PRLR: variants seen among roughly 807,000 people sequenced by gnomAD.
The protein encoded by PRLR is prolactin receptor, also known as hPRL receptor.
A neutral mutation model predicts 40.2 loss-of-function variants in PRLR; 13 were observed. The observed-to-expected ratio is 0.32, with a 90% CI of 0.21 to 0.51. The LOEUF (loss-of-function observed/expected upper bound fraction) is 0.51. Ranked by LOEUF, PRLR falls within the 20% of genes least tolerant of loss-of-function variation. The probability of loss-of-function intolerance (pLI) is 0.97; values close to 1 mark genes in which losing one functional copy is unlikely to be tolerated. For synonymous variants in PRLR, 269 were observed against 278.7 expected (o/e 0.97, Z 0.35); for missense variants, 656 against 747.3 (o/e 0.88, Z 1.42).
At chr5:35,117,697 C>A (rs1421289774) in intron 2 of PRLR, among the ~76,000 whole-genome samples, 1 of 152,124 alleles carries the variant, frequency 6.6e-6, no homozygotes, top group East Asian at 1.9e-4. Context: ...TAAAAGCAAG[C>A]ACAATATTTC....
intron 2 of PRLR, among the ~76,000 whole-genome samples, chr5:35,094,192 C>T (rs6881382): frequency 0.025 from 3,780 of 152,302 alleles, 168 homozygotes; most frequent in African/African-American, 0.088. Context: ...CCTACTCCTT[C>T]CTGATAGAAA....
At position 35,063,955 on chromosome 5, in the gene PRLR, T is replaced by C. The variant is rs1769195018; in HGVS notation, c.*1134A>G. On this transcript the variant is annotated 3_prime_UTR_variant, in exon 10 of 10. Coordinates refer to ENST00000618457, the MANE Select transcript of PRLR (RefSeq NM_000949.7). ...AAAGAATCAGATAAACTATACTATA[T>C]TGCGTTGAAAACTGAATTTTGTCAT... 1 of 152,166 alleles carries C rather than the reference T, an allele frequency of 6.6e-6. No individual in the cohort carries two copies. The highest frequency in any genetic ancestry group is 6.5e-5 in the Admixed American group (1 of 15,280). 9.4% of individuals were successfully genotyped at this position (152,166 alleles called of 1,614,324 possible).
intron 1 of PRLR, among the ~76,000 whole-genome samples, chr5:35,211,435 G>A (rs1776165036): frequency 6.6e-6 from 1 of 152,138 alleles, no homozygotes; most frequent in Non-Finnish European, 1.5e-5. Flanking sequence ...TGAGGAAGTG[G>A]GGGTTGTTTA....
chr5:35,175,215 C>A (rs147373534), intron 1 of PRLR, among the ~76,000 whole-genome samples: 1 of 152,034 alleles, frequency 6.6e-6, no homozygotes, highest in African/African-American at 2.4e-5. Flanking sequence ...ATAATGGGGG[C>A]GGGTATTTCC....
Position 35,153,716 on chromosome 5 carries a change from G to A in PRLR, c.-105-35594C>T, listed in dbSNP as rs1381988854. ...GCTCTGCCAACTGTTCCCCACCATTGTACACACACACACACACACACACTG... is the reference window on the plus strand; with the variant it reads ...GCTCTGCCAACTGTTCCCCACCATTATACACACACACACACACACACACTG... On this transcript the variant is annotated intron_variant, in intron 1 of 9. Transcript: ENST00000618457. Among the ~76,000 whole-genome samples, 5 of 112,590 alleles carry A rather than the reference G, an allele frequency of 4.4e-5. No individual in the cohort carries two copies. In the South Asian group the frequency reaches 1.4e-3, roughly 33 times the overall value. The allele number at this position is 112,590 out of a possible 152,430, so 73.9% of individuals were successfully genotyped here.
At chr5:35,077,728 C>T (rs151217318) in intron 5 of PRLR, among the ~76,000 whole-genome samples, 6 of 152,318 alleles carry the variant, frequency 3.9e-5, no homozygotes, top group Non-Finnish European at 8.8e-5. Context: ...CAGAACTCTC[C>T]ACCCTAAATC....
At chr5:35,161,071 ACTT>A (rs1774661427) in intron 1 of PRLR, among the ~76,000 whole-genome samples, 5 of 152,192 alleles carry the variant, frequency 3.3e-5, no homozygotes, top group Admixed American at 3.3e-4. Flanking sequence ...AAGCAAAACT[ACTT>A]CTATCTAGTC....
At chr5:35,099,159 C>T (rs1200689534) in intron 2 of PRLR, among the ~76,000 whole-genome samples, 1 of 152,170 alleles carries the variant, frequency 6.6e-6, no homozygotes, top group Non-Finnish European at 1.5e-5. Flanking sequence ...TACTTCATTG[C>T]TTCCCCTGTC....
At chr5:35,144,908 T>C (rs1253342924) in intron 1 of PRLR, among the ~76,000 whole-genome samples, 1 of 152,188 alleles carries the variant, frequency 6.6e-6, no homozygotes, top group Non-Finnish European at 1.5e-5. Context: ...TTGCAGCATT[T>C]AGAAAAGACA....
intron 1 of PRLR, among the ~76,000 whole-genome samples, chr5:35,179,892 A>T (rs191331958): frequency 1.3e-5 from 2 of 152,276 alleles, no homozygotes; most frequent in Admixed American, 1.3e-4. Flanking sequence ...TTTTGGGATG[A>T]TTCAAGCACA....
At chr5:35,182,511 G>A (rs1775320529) in intron 1 of PRLR, among the ~76,000 whole-genome samples, 1 of 152,146 alleles carries the variant, frequency 6.6e-6, no homozygotes, top group African/African-American at 2.4e-5. Context: ...GTATTTACTG[G>A]GAGCATGAAA....
chr5:35,161,574 A>C (rs1361767653), intron 1 of PRLR, among the ~76,000 whole-genome samples: 1 of 152,250 alleles, frequency 6.6e-6, no homozygotes, highest in Admixed American at 6.5e-5. Flanking sequence ...TTCAAAAATC[A>C]AAGGACCCAG....
rs1404984903 is a variant in PRLR at position 35,064,825 on chromosome 5, C to T, written c.*264G>A. 2.3e-6 allele frequency: 1 copy of T among 441,732 alleles called. No individual in the cohort carries two copies. Among genetic ancestry groups the T allele is most frequent in the Non-Finnish European group, 4.0e-6 (1 of 248,604 alleles). 27.4% of individuals were successfully genotyped at this position (441,732 alleles called of 1,614,324 possible). On this transcript the variant is annotated 3_prime_UTR_variant, in exon 10 of 10. Transcript: ENST00000618457. ...CTATTGGCATTGTCCCTCAAGAATA[C>T]TAAGCAGTGTGCTTTTATTTCATTG... is the stretch of plus-strand genomic sequence containing the variant.
chr5:35,221,804 T>C (rs1776428216), intron 1 of PRLR, among the ~76,000 whole-genome samples: 1 of 152,188 alleles, frequency 6.6e-6, no homozygotes, highest in Non-Finnish European at 1.5e-5. Context: ...TTGTTTTAAA[T>C]CAGTAATGGA....
Position 35,129,286 on chromosome 5 carries a change from G to A in PRLR, c.-105-11164C>T, listed in dbSNP as rs536722518. Among the ~76,000 whole-genome samples the A allele has an allele frequency of 5.3e-5, 8 of 152,256 alleles. No individual in the cohort carries two copies. In the South Asian group the frequency reaches 8.3e-4, roughly 16 times the overall value. ...AAAAAGTTCTCTTAGTGTTATTGAC[G>A]TGCTCAATTTACTGTACAAGCAACT... On this transcript the variant is annotated intron_variant, in intron 1 of 9. Coordinates refer to ENST00000618457, the MANE Select transcript of PRLR (RefSeq NM_000949.7).
At position 35,055,833 on chromosome 5, in the gene PRLR, A is replaced by G. The variant is rs1768681602; in HGVS notation, c.*9256T>C. The G allele has an allele frequency of 6.6e-6, 1 of 152,228 alleles. No homozygotes were observed. Among genetic ancestry groups the G allele is most frequent in the Admixed American group, 6.5e-5 (1 of 15,276 alleles). The allele number at this position is 152,228 out of a possible 1,614,324, so 9.4% of individuals were successfully genotyped here. A position where few individuals can be genotyped will look rare whatever the true frequency, so the allele number is the denominator to read the frequency against. ...TTCAGCAACAATATCAATATTGATT[A>G]TATAAAGTAAAACTACTGGCAAACG... On this transcript the variant is annotated 3_prime_UTR_variant, in exon 10 of 10. Coordinates refer to ENST00000618457, the MANE Select transcript of PRLR (RefSeq NM_000949.7).
At chr5:35,142,388 A>G (rs1774050779) in intron 1 of PRLR, among the ~76,000 whole-genome samples, 1 of 152,140 alleles carries the variant, frequency 6.6e-6, no homozygotes, top group Non-Finnish European at 1.5e-5. Context: ...GTTTTAGGAA[A>G]TGGGGAGAAA....
chr5:35,144,490 A>G (rs1774120261), intron 1 of PRLR, among the ~76,000 whole-genome samples: 1 of 152,120 alleles, frequency 6.6e-6, no homozygotes, highest in Admixed American at 6.5e-5. Flanking sequence ...TCGCTCTATC[A>G]CCCAGACTGG....
At chr5:35,100,174 AC>A (rs1183769972) in intron 2 of PRLR, among the ~76,000 whole-genome samples, 1 of 142,114 alleles carries the variant, frequency 7.0e-6, no homozygotes, top group Non-Finnish European at 1.5e-5. Context: ...ACAGGGCGAG[AC>A]TCTGTCTCAA....
Sources: gnomAD v4.1 joint callset for allele counts (sites outside exome capture counted in the v4.1 genomes callset) on GRCh38, gnomAD v4.1.1 for gene constraint, MANE v1.5 for transcripts, NCBI Gene and HGNC (gene_info 2026-07-23, HGNC 2026-07-21) for gene names.